Variants in ITPR1 observed in about 807,000 individuals in gnomAD.
ITPR1 encodes the protein inositol 1,4,5-trisphosphate-gated calcium channel ITPR1.
A neutral mutation model predicts 318.4 loss-of-function variants in ITPR1; 96 were observed. The ratio of observed to expected loss-of-function variants is 0.30; its 90% confidence interval spans 0.26 to 0.36. ITPR1 has a LOEUF of 0.36. Among genes scored for constraint, ITPR1 ranks in the 10% least tolerant of loss-of-function variants. The pLI is 1.00. For synonymous variants in ITPR1, 1,312 were observed against 1,289.9 expected (o/e 1.02, Z -0.37); for missense variants, 2,440 against 3,460.2 (o/e 0.71, Z 7.40).
chr3:4,622,839 A>G (rs950683414), intron 4 of ITPR1, among the ~76,000 whole-genome samples: 3 of 152,246 alleles, frequency 2.0e-5, no homozygotes, highest in South Asian at 2.1e-4. Context: ...CATTTAAATC[A>G]TTAATTCAAC....
chr3:4,572,210 A>G (rs2088084032), intron 4 of ITPR1, among the ~76,000 whole-genome samples: 2 of 152,184 alleles, frequency 1.3e-5, no homozygotes, highest in Non-Finnish European at 2.9e-5. Flanking sequence ...AGACTCACAT[A>G]TACTACATCC....
chr3:4,840,453 G>A (rs1247178292), intron 61 of ITPR1, among the ~76,000 whole-genome samples: 1 of 151,808 alleles, frequency 6.6e-6, no homozygotes, highest in Non-Finnish European at 1.5e-5. Context: ...TTACTTAGAG[G>A]TTTTTTTTGT....
intron 4 of ITPR1, among the ~76,000 whole-genome samples, chr3:4,599,097 A>G (rs1434596169): frequency 6.6e-6 from 1 of 152,094 alleles, no homozygotes; most frequent in Non-Finnish European, 1.5e-5. Flanking sequence ...AATATTGAGA[A>G]TACTTACTGA....
intron 39 of ITPR1, among the ~76,000 whole-genome samples, chr3:4,716,254 A>G (rs997387646): frequency 1.3e-5 from 2 of 152,168 alleles, no homozygotes; most frequent in African/African-American, 4.8e-5. Flanking sequence ...CTAAAATTTA[A>G]TCTGAATCAC....
At chr3:4,571,482 G>T (rs1026775937) in intron 4 of ITPR1, among the ~76,000 whole-genome samples, 1 of 151,942 alleles carries the variant, frequency 6.6e-6, no homozygotes, top group Non-Finnish European at 1.5e-5. Context: ...GGGACTACAG[G>T]CACATGTTAC....
intron 10 of ITPR1, 188 bp downstream of exon 10, chr3:4,645,916 ACTTATACCCAC>A (rs750647067): frequency 1.8e-5 from 10 of 565,816 alleles, no homozygotes; most frequent in South Asian, 1.1e-4. Context: ...ACAAACAAGT[ACTTATACCCAC>A]CTTATTCCAA....
chr3:4,752,502 G>C (rs2044615598), intron 44 of ITPR1, among the ~76,000 whole-genome samples: 1 of 152,210 alleles, frequency 6.6e-6, no homozygotes, highest in African/African-American at 2.4e-5. Context: ...GCCTTTGGCT[G>C]GTCTGCGGTG....
At chr3:4,500,759 G>A (rs1273125432) in intron 2 of ITPR1, among the ~76,000 whole-genome samples, 2 of 152,162 alleles carry the variant, frequency 1.3e-5, no homozygotes, top group African/African-American at 4.8e-5. Context: ...CCCCAGATGA[G>A]CAGGAATGTT....
chr3:4,781,583 G>A (rs545546331), intron 49 of ITPR1, among the ~76,000 whole-genome samples: 41 of 152,166 alleles, frequency 2.7e-4, no homozygotes, highest in South Asian at 1.0e-3. Flanking sequence ...GAGCCGAGTC[G>A]TGCGGCTGTG....
At chr3:4,832,688 TA>T (rs2050602089) in intron 60 of ITPR1, among the ~76,000 whole-genome samples, 1 of 152,156 alleles carries the variant, frequency 6.6e-6, no homozygotes, top group Non-Finnish European at 1.5e-5. Flanking sequence ...GAATTTAATA[TA>T]AAAATATTTC....
intron 44 of ITPR1, among the ~76,000 whole-genome samples, chr3:4,741,182 G>C (rs2043679094): frequency 6.6e-6 from 1 of 152,072 alleles, no homozygotes; most frequent in African/African-American, 2.4e-5. Context: ...AGGAGGACAG[G>C]CTATCTTTGG....
chr3:4,506,764 G>A (rs1230410247), intron 2 of ITPR1, among the ~76,000 whole-genome samples: 2 of 152,244 alleles, frequency 1.3e-5, no homozygotes, highest in Non-Finnish European at 2.9e-5. Context: ...TTTATATTTT[G>A]CATTTTCATC....
At chr3:4,528,794 C>T (rs1485958775) in intron 4 of ITPR1, among the ~76,000 whole-genome samples, 2 of 152,138 alleles carry the variant, frequency 1.3e-5, no homozygotes, top group Non-Finnish European at 2.9e-5. Context: ...AGGAGAGTCT[C>T]CTCCAACTTG....
intron 4 of ITPR1, among the ~76,000 whole-genome samples, chr3:4,547,890 A>G (rs1192120150): frequency 6.6e-6 from 1 of 151,948 alleles, no homozygotes; most frequent in Non-Finnish European, 1.5e-5. Flanking sequence ...TATCATTCAG[A>G]TTATTTTTTT....
At chr3:4,814,603 G>A (rs2049165770) in intron 58 of ITPR1, 41 bp downstream of exon 58, 1 of 1,246,898 alleles carries the variant, frequency 8.0e-7, no homozygotes, top group Non-Finnish European at 1.1e-6. Flanking sequence ...AAGGGGGCGG[G>A]TGGGGTGGTT....
rs1422232063 is a variant in ITPR1, at chr3:4,717,371, T to C, written c.5108T>C (p.Ile1703Thr). 6.3e-7 allele frequency: 1 copy of C among 1,596,176 alleles called. No homozygotes were observed. Among genetic ancestry groups the C allele is most frequent in the South Asian group, 1.1e-5 (1 of 90,960 alleles). The change falls in exon 40 of 62, where the codon ATT becomes ACT. Residue 1703 changes from isoleucine to threonine, a missense_variant. Ile to Thr is a moderately conservative substitution (Grantham distance 89). This residue lies in a region of ITPR1 where 166 missense variants were observed against 143.7 expected (regional missense o/e 1.16). Coordinates refer to ENST00000649015, the MANE Select transcript of ITPR1 (RefSeq NM_001378452.1). ...TKDRGYGEKL[I>T]SIDELDNAEL... is the part of the protein sequence containing the mutation. ...CTCCCCTTTTTTCTTTTCCAGCTAA[T>C]TTCCATTGATGAATTGGATAATGCT...
At chr3:4,839,187 C>A (rs934512048) in intron 61 of ITPR1, among the ~76,000 whole-genome samples, 2 of 152,098 alleles carry the variant, frequency 1.3e-5, no homozygotes, top group Non-Finnish European at 2.9e-5. Context: ...ATTAGCTGGA[C>A]GTGGTGGCAC....
intron 10 of ITPR1, among the ~76,000 whole-genome samples, chr3:4,649,141 G>A (rs2093534945): frequency 6.6e-6 from 1 of 152,136 alleles, no homozygotes; most frequent in Non-Finnish European, 1.5e-5. Flanking sequence ...AAGTAATAAT[G>A]CAAACTAAGG....
At position 4,826,963 on chromosome 3, in the gene ITPR1, GGTTAT is replaced by G. The variant is rs1297934290; in HGVS notation, c.8028+8723_8028+8727del. ...TCTGTGAGACTGTGCAGGACATGAG[GGTTAT>G]GCACAGACATTGTTCCGTCAGCCAC... On this transcript the variant is annotated intron_variant, in intron 60 of 61. Transcript: ENST00000649015. The surrounding 1 kb of genome is among the most constrained non-coding windows in gnomAD (Gnocchi z 4.2). 1.3e-5 allele frequency among the ~76,000 whole-genome samples: 2 copies of G among 152,148 alleles called. No homozygotes were observed. The highest frequency in any genetic ancestry group is 4.8e-5 in the African/African-American group (2 of 41,434).
Sources: gnomAD v4.1 joint callset for allele counts (sites outside exome capture counted in the v4.1 genomes callset) on GRCh38, gnomAD v4.1.1 for gene constraint, gnomAD v4.1.1 regional missense constraint, Gnocchi (gnomAD v3.1) non-coding constraint, MANE v1.5 for transcripts, NCBI Gene and HGNC (gene_info 2026-07-23, HGNC 2026-07-21) for gene names.